TAF4: variants seen among roughly 807,000 people sequenced by gnomAD.
TAF4 encodes TATA-box binding protein associated factor 4, also known as transcription initiation factor TFIID subunit 4.
Under a neutral mutation model 90.3 loss-of-function variants are expected in TAF4, and 9 were observed. The observed-to-expected ratio is 0.10, with a 90% confidence interval of 0.06 to 0.17. The LOEUF (loss-of-function observed/expected upper bound fraction) is 0.17, where lower values mean the gene tolerates loss of function less well. TAF4 is among the 10% of genes least tolerant of loss of function. TAF4 has a pLI of 1.00. For missense variants in TAF4, 1,351 were observed against 1,370.7 expected, an observed-to-expected ratio of 0.99 and a Z score of 0.23; for synonymous variants, 818 against 638.9, an observed-to-expected ratio of 1.28 and a Z score of -4.23.
At chr20:62,003,602 G>A (rs532210271) in intron 8 of TAF4, 129 bp downstream of exon 8, 4 of 1,061,330 alleles carry the variant, frequency 3.8e-6, no homozygotes, top group Non-Finnish European at 5.3e-6. Flanking sequence ...CAGTGCCACT[G>A]AACTAGATAC....
At chr20:62,053,779 C>T (rs1222653752) in intron 1 of TAF4, among the ~76,000 whole-genome samples, 1 of 152,256 alleles carries the variant, frequency 6.6e-6, no homozygotes, top group Non-Finnish European at 1.5e-5. Context: ...CCGAACCACC[C>T]AGCACTCTGT....
intron 1 of TAF4, among the ~76,000 whole-genome samples, chr20:62,060,542 G>A (rs1275767302): frequency 2.6e-5 from 4 of 152,236 alleles, no homozygotes; most frequent in Non-Finnish European, 4.4e-5. Flanking sequence ...CCCCAGCCGC[G>A]GGGCAGGGGG....
chr20:62,038,377 G>A (rs1410016091), intron 1 of TAF4, among the ~76,000 whole-genome samples: 1 of 151,864 alleles, frequency 6.6e-6, no homozygotes, highest in Non-Finnish European at 1.5e-5. Context: ...TAGCCAGGAT[G>A]GTCTCAATCT....
intron 14 of TAF4, among the ~76,000 whole-genome samples, chr20:61,978,501 CACCA>C (rs1744866550): frequency 1.9e-5 from 2 of 106,852 alleles, no homozygotes; most frequent in African/African-American, 7.8e-5. Flanking sequence ...GAGGGCGCGA[CACCA>C]ACCAAGGGAG....
At chr20:62,031,231 C>T (rs554408830) in intron 1 of TAF4, among the ~76,000 whole-genome samples, 2 of 152,180 alleles carry the variant, frequency 1.3e-5, no homozygotes, top group Non-Finnish European at 2.9e-5. Flanking sequence ...GGTCCAAGGT[C>T]GGAACGTGGC....
intron 1 of TAF4, among the ~76,000 whole-genome samples, chr20:62,039,041 G>A (rs1169959835): frequency 6.6e-6 from 1 of 152,220 alleles, no homozygotes; most frequent in Non-Finnish European, 1.5e-5. Context: ...ATGTGAAAGA[G>A]TGAAAAATTC....
At chr20:62,052,057 G>A (rs987968781) in intron 1 of TAF4, among the ~76,000 whole-genome samples, 3 of 152,150 alleles carry the variant, frequency 2.0e-5, no homozygotes, top group African/African-American at 7.2e-5. Context: ...CCCCTTCTGC[G>A]TCCTGCACCG....
intron 14 of TAF4, among the ~76,000 whole-genome samples, chr20:61,990,907 G>A (rs1286204639): frequency 2.6e-5 from 4 of 152,142 alleles, no homozygotes; most frequent in African/African-American, 7.2e-5. Flanking sequence ...TTACAAGTTC[G>A]AGAAACCTAA....
chr20:62,036,849 G>C (rs1291335335), intron 1 of TAF4, among the ~76,000 whole-genome samples: 1 of 152,228 alleles, frequency 6.6e-6, no homozygotes, highest in Non-Finnish European at 1.5e-5. Context: ...GATGGTAGCA[G>C]AAGCGGGGGG....
At position 61,995,031 on chromosome 20, in the gene TAF4, G is replaced by A. The variant is rs150315580; in HGVS notation, c.3090+2519C>T. Among the ~76,000 whole-genome samples the A allele has an allele frequency of 8.5e-3, 1,291 of 152,274 alleles. 20 individuals carry two copies. The highest frequency in any genetic ancestry group is 0.029 in the African/African-American group (1,218 of 41,542). On this transcript the variant is annotated intron_variant, in intron 14 of 14. Transcript: ENST00000252996. ...AAAGGGGCTTGAGAAACACCTTGAG[G>A]TTTCCCCAGATCCTTACTGACAAAA...
rs1159576658 is a variant in TAF4, at chr20:62,064,766, T to C, written c.1045A>G (p.Arg349Gly). The change falls in exon 1 of 15, where the codon AGG (arginine) becomes GGG (glycine). Residue 349 changes from arginine to glycine, a missense_variant. Around this residue, in one of 9 missense-constraint regions of TAF4, gnomAD observed 782 missense variants for 536.6 expected, o/e 1.46. Coordinates refer to ENST00000252996, the MANE Select transcript of TAF4 (RefSeq NM_003185.4). ...APGVKAESPK[R>G]VVQAAPPAAQ... ...GCCGGGGGCGCCGCCTGCACCACCC[T>C]CTTGGGCGACTCGGCCTTGACCCCC... The C allele has an allele frequency of 9.7e-6, 11 of 1,134,614 alleles. No individual in the cohort carries two copies. In the East Asian group the frequency reaches 2.8e-4, roughly 29 times the overall value. The allele number at this position is 1,134,614 out of a possible 1,614,324, so 70.3% of individuals were successfully genotyped here.
At chr20:62,019,748 G>A (rs2055831943) in intron 1 of TAF4, among the ~76,000 whole-genome samples, 1 of 152,214 alleles carries the variant, frequency 6.6e-6, no homozygotes, top group Non-Finnish European at 1.5e-5. Flanking sequence ...CCCTCCCTGA[G>A]GAGAAACACC....
chr20:61,999,194 G>A, intron 11 of TAF4, 86 bp from the exon 12 acceptor site: 1 of 1,517,752 alleles, frequency 6.6e-7, no homozygotes, highest in Middle Eastern at 1.8e-4. Context: ...GACCATCCGT[G>A]CACAACGCCC....
chr20:62,052,429 C>T (rs2145514704), intron 1 of TAF4, among the ~76,000 whole-genome samples: 1 of 152,216 alleles, frequency 6.6e-6, no homozygotes, highest in East Asian at 1.9e-4. Flanking sequence ...GAACCTGACC[C>T]CCAGCACTGC....
Position 62,006,780 on chromosome 20 carries a change from A to G in TAF4, c.1975-22T>C. On this transcript the variant is annotated intron_variant, in intron 6 of 14. Transcript: ENST00000252996. The surrounding 1 kb of genome is among the most constrained non-coding windows in gnomAD (Gnocchi z 7.0). ...TCCTCTGGGTGGAAAGACAGACACGAGGGGTCAGGCGGCTGCTCATGCGTC... is the reference window on the plus strand; with the variant it reads ...TCCTCTGGGTGGAAAGACAGACACGGGGGGTCAGGCGGCTGCTCATGCGTC... The G allele has an allele frequency of 2.0e-6, 3 of 1,465,214 alleles. No homozygotes were observed. Among genetic ancestry groups the G allele is most frequent in the Non-Finnish European group, 2.7e-6 (3 of 1,099,332 alleles). The allele number at this position is 1,465,214 out of a possible 1,614,324, so 90.8% of individuals were successfully genotyped here. A position where few individuals can be genotyped will look rare whatever the true frequency, so the allele number is the denominator to read the frequency against.
At chr20:61,981,731 G>T (rs923927409) in intron 14 of TAF4, among the ~76,000 whole-genome samples, 3 of 151,750 alleles carry the variant, frequency 2.0e-5, no homozygotes, top group Non-Finnish European at 2.9e-5. Context: ...CCCAGGAGAC[G>T]TTCACAAAAG....
intron 1 of TAF4, among the ~76,000 whole-genome samples, chr20:62,049,247 G>T (rs2056012545): frequency 6.6e-6 from 1 of 152,144 alleles, no homozygotes; most frequent in African/African-American, 2.4e-5. Flanking sequence ...TGCAAGCGGG[G>T]TTCCCAGGCT....
intron 13 of TAF4, 146 bp from the exon 14 acceptor site, chr20:61,997,815 AT>A (rs2123120446): frequency 9.1e-7 from 1 of 1,098,442 alleles, no homozygotes; most frequent in African/African-American, 1.6e-5. Context: ...TAGTAAGCAT[AT>A]TCTATAATCC....
In TAF4 at chr20:62,003,668, A is replaced by G. The variant is rs1443231797; in HGVS notation, c.2371+63T>C. The G allele has an allele frequency of 5.4e-6, 8 of 1,492,174 alleles. No individual in the cohort carries two copies. In the Admixed American group the frequency reaches 7.8e-5, roughly 14 times the overall value. 92.4% of individuals were successfully genotyped at this position (1,492,174 alleles called of 1,614,324 possible). A position where few individuals can be genotyped will look rare whatever the true frequency, so the allele number is the denominator to read the frequency against. On this transcript the variant is annotated intron_variant, in intron 8 of 14. Transcript: ENST00000252996. ...TTTTACCCAATTAAATAAAAGCCCAATGGCAGCTGGCTCTGGGAGCAGCCC... is the reference window on the plus strand; with the variant it reads ...TTTTACCCAATTAAATAAAAGCCCAGTGGCAGCTGGCTCTGGGAGCAGCCC...
Sources: allele counts gnomAD v4.1 joint callset (sites outside exome capture counted in the v4.1 genomes callset), GRCh38; gene constraint gnomAD v4.1.1; regional missense constraint gnomAD v4.1.1; non-coding constraint Gnocchi (gnomAD v3.1); transcripts MANE v1.5; gene names NCBI Gene and HGNC (gene_info 2026-07-23, HGNC 2026-07-21).